HOMER2: variants seen among roughly 807,000 people sequenced by gnomAD.
HOMER2 encodes the protein homer scaffold protein 2.
Under a neutral mutation model 47.0 loss-of-function variants are expected in HOMER2, and 27 were observed. The ratio of observed to expected loss-of-function variants is 0.57; its 90% CI spans 0.42 to 0.79. The LOEUF is 0.79. Ranked by LOEUF, HOMER2 falls within the 30% of genes least tolerant of loss-of-function variation. HOMER2 has a pLI of 0.00. For synonymous variants in HOMER2, 161 were observed against 163.8 expected, an observed-to-expected ratio of 0.98 and a Z score of 0.13; for missense variants, 443 against 435.0, an observed-to-expected ratio of 1.02 and a Z score of -0.16.
rs115909263 is a variant in HOMER2 at position 82,849,091 on chromosome 15, C to A, written c.*624G>T. 1 of 150,398 alleles carries A rather than the reference C, an allele frequency of 6.6e-6. No homozygotes were observed. The highest frequency in any genetic ancestry group is 6.7e-5 in the Admixed American group (1 of 14,968). The allele number at this position is 150,398 out of a possible 1,614,324, so 9.3% of individuals were successfully genotyped here. On this transcript the variant is annotated 3_prime_UTR_variant, in exon 9 of 9. Transcript: ENST00000450735. The stretch of plus-strand genomic sequence containing the variant: ...ACAATCATCTGCTCAGAAATTAAAA[C>A]CAAGAAAAGGAACACTGTTGCAACC...
intron 1 of HOMER2, among the ~76,000 whole-genome samples, chr15:82,966,127 G>T (rs11853499): frequency 0.012 from 1,846 of 152,156 alleles, 42 homozygotes; most frequent in African/African-American, 0.043. Context: ...ACTTTAGAGG[G>T]TATAACAAAG....
intron 1 of HOMER2, among the ~76,000 whole-genome samples, chr15:82,951,249 CCTCT>C (rs1306666845): frequency 6.6e-6 from 1 of 152,174 alleles, no homozygotes; most frequent in Admixed American, 6.5e-5. Flanking sequence ...CTCGCCTCCT[CCTCT>C]CTGTCACCCA....
chr15:82,877,633 C>T (rs947100175), intron 2 of HOMER2, among the ~76,000 whole-genome samples: 4 of 152,178 alleles, frequency 2.6e-5, no homozygotes, highest in Admixed American at 2.6e-4. Flanking sequence ...AACATTACTG[C>T]CCCTCTTCTT....
intron 1 of HOMER2, among the ~76,000 whole-genome samples, chr15:82,917,783 C>A (rs1374834150): frequency 1.3e-5 from 2 of 152,162 alleles, no homozygotes; most frequent in Admixed American, 6.5e-5. Flanking sequence ...ACAGTAGGCC[C>A]AAAATACTTG....
chr15:82,950,086 C>G (rs1377564939), intron 1 of HOMER2, among the ~76,000 whole-genome samples: 1 of 152,128 alleles, frequency 6.6e-6, no homozygotes, highest in Non-Finnish European at 1.5e-5. Flanking sequence ...AAGGTAGCAG[C>G]AGCTGCATAC....
intron 1 of HOMER2, among the ~76,000 whole-genome samples, chr15:82,985,326 C>T (rs182668317): frequency 6.6e-6 from 1 of 152,084 alleles, no homozygotes; most frequent in Admixed American, 6.5e-5. Context: ...GATGGCTACA[C>T]CTATAGCAGG....
chr15:82,878,169 A>G (rs563753689), intron 2 of HOMER2, among the ~76,000 whole-genome samples: 1 of 152,330 alleles, frequency 6.6e-6, no homozygotes, highest in Non-Finnish European at 1.5e-5. Flanking sequence ...CCACACCCCA[A>G]GTCTCCTTGA....
chr15:82,984,190 G>C (rs941052818), intron 1 of HOMER2, among the ~76,000 whole-genome samples: 1 of 151,842 alleles, frequency 6.6e-6, no homozygotes, highest in Non-Finnish European at 1.5e-5. Context: ...CGGCCACCAC[G>C]CCCAGCTAAT....
chr15:82,967,070 T>G (rs112726733), intron 1 of HOMER2, among the ~76,000 whole-genome samples: 15 of 152,056 alleles, frequency 9.9e-5, no homozygotes, highest in Admixed American at 3.3e-4. Context: ...AGCAACATAG[T>G]GAGACCCTGT....
downstream of HOMER2, chr15:82,844,433 A>G (rs770461218): frequency 1.3e-5 from 2 of 152,218 alleles, no homozygotes; most frequent in African/African-American, 4.8e-5. Flanking sequence ...ATGTAATTAC[A>G]TATTTACTGA....
chr15:82,904,681 G>C (rs1382986954), intron 1 of HOMER2, among the ~76,000 whole-genome samples: 4 of 152,142 alleles, frequency 2.6e-5, no homozygotes, highest in African/African-American at 9.7e-5. Flanking sequence ...TCCTACTTAA[G>C]CGGAGAGAAA....
chr15:82,966,555 A>C (rs1397750682), intron 1 of HOMER2, among the ~76,000 whole-genome samples: 1 of 152,194 alleles, frequency 6.6e-6, no homozygotes, highest in African/African-American at 2.4e-5. Context: ...TTTTACTAGG[A>C]GCCTCCAGCA....
chr15:82,958,108 A>C (rs1469870791), downstream of HOMER2: 1 of 152,270 alleles, frequency 6.6e-6, no homozygotes, highest in East Asian at 1.9e-4. Flanking sequence ...AAGTGCTGGA[A>C]TTATAGGCGT....
At chr15:82,962,614 T>C (rs961592230) in intron 1 of HOMER2, among the ~76,000 whole-genome samples, 8 of 151,534 alleles carry the variant, frequency 5.3e-5, no homozygotes, top group African/African-American at 1.9e-4. Context: ...GAGGTGGAGG[T>C]TGCAGCAAGC....
intron 6 of HOMER2, among the ~76,000 whole-genome samples, chr15:82,854,349 T>C (rs567891040): frequency 1.3e-4 from 20 of 152,074 alleles, no homozygotes; most frequent in Non-Finnish European, 2.8e-4. Flanking sequence ...GAGGCTGCAG[T>C]GCACTGAGAT....
At chr15:82,882,563 G>A (rs2052556821) in intron 2 of HOMER2, among the ~76,000 whole-genome samples, 1 of 152,198 alleles carries the variant, frequency 6.6e-6, no homozygotes, top group Admixed American at 6.5e-5. Context: ...ATTGTCCCGG[G>A]GAAGAAGGAA....
intron 1 of HOMER2, among the ~76,000 whole-genome samples, chr15:82,903,542 G>C (rs1000971668): frequency 1.3e-5 from 2 of 151,982 alleles, no homozygotes; most frequent in Non-Finnish European, 1.5e-5. Flanking sequence ...GCTTGAACTC[G>C]GGAGACAGAG....
At chr15:82,953,762 A>C (rs944505322), upstream of HOMER2, among the ~76,000 whole-genome samples, 1 of 152,226 alleles carries the variant, frequency 6.6e-6, no homozygotes, top group Non-Finnish European at 1.5e-5. Context: ...AGGCGCCTGT[A>C]GTCCCAGCTA....
chr15:82,936,764 A>C (rs2054151660), intron 1 of HOMER2, among the ~76,000 whole-genome samples: 1 of 147,656 alleles, frequency 6.8e-6, no homozygotes, highest in South Asian at 2.1e-4. Flanking sequence ...TTTTTTTGAG[A>C]TGGGGTTTCT....
Sources: allele counts gnomAD v4.1 joint callset (sites outside exome capture counted in the v4.1 genomes callset), GRCh38; gene constraint gnomAD v4.1.1; transcripts MANE v1.5; gene names NCBI Gene and HGNC (gene_info 2026-07-23, HGNC 2026-07-21).